C2CD3: variants seen among roughly 807,000 people sequenced by gnomAD.
C2CD3 encodes C2 domain-containing protein 3.
In C2CD3, 148 loss-of-function variants were observed where a neutral mutation model predicts 234.0. The observed-to-expected ratio is 0.63, with a 90% CI of 0.55 to 0.72. The LOEUF (loss-of-function observed/expected upper bound fraction) is 0.72, where lower values mean the gene tolerates loss of function less well. Ranked by LOEUF, C2CD3 falls within the 30% of genes least tolerant of loss-of-function variation. C2CD3 has a pLI of 0.00. For synonymous variants in C2CD3, 1,000 were observed against 1,035.4 expected, an observed-to-expected ratio of 0.97 and a Z score of 0.66; for missense variants, 2,577 against 2,811.5, an observed-to-expected ratio of 0.92 and a Z score of 1.89.
At chr11:74,111,411 A>G (rs927053596) in intron 11 of C2CD3, among the ~76,000 whole-genome samples, 2 of 152,144 alleles carry the variant, frequency 1.3e-5, no homozygotes, top group Admixed American at 1.3e-4. Flanking sequence ...TGCAGTGAAA[A>G]CTTTATTTCA....
intron 11 of C2CD3, among the ~76,000 whole-genome samples, chr11:74,112,016 A>G (rs1042556894): frequency 6.6e-6 from 1 of 151,988 alleles, no homozygotes; most frequent in Non-Finnish European, 1.5e-5. Context: ...TAATGGCTTA[A>G]GGAAGGATAT....
At chr11:74,052,882 TG>T (rs1450046416) in intron 26 of C2CD3, among the ~76,000 whole-genome samples, 1 of 152,180 alleles carries the variant, frequency 6.6e-6, no homozygotes. Context: ...ATATCACCAC[TG>T]GCAAACAAAA....
chr11:74,055,903 C>G (rs894342303), intron 25 of C2CD3, among the ~76,000 whole-genome samples: 1 of 152,188 alleles, frequency 6.6e-6, no homozygotes, highest in Non-Finnish European at 1.5e-5. Flanking sequence ...CCCTTCATCA[C>G]GTTTGTGAAG....
intron 7 of C2CD3, chr11:74,129,541 A>G: frequency 5.3e-6 from 1 of 188,374 alleles, no homozygotes; most frequent in South Asian, 7.9e-5. Flanking sequence ...GGCGCTCCTC[A>G]CTTCCTAGAT....
At chr11:74,148,457 GTA>G (rs1855368845) in intron 3 of C2CD3, among the ~76,000 whole-genome samples, 1 of 151,448 alleles carries the variant, frequency 6.6e-6, no homozygotes. Flanking sequence ...ATATATGTGT[GTA>G]TATTTATATA....
intron 30 of C2CD3, among the ~76,000 whole-genome samples, chr11:74,035,122 T>C (rs576953325): frequency 6.6e-6 from 1 of 152,200 alleles, no homozygotes; most frequent in Non-Finnish European, 1.5e-5. Flanking sequence ...TCCTGGGGAA[T>C]AGGGGTCACA....
Position 74,139,607 on chromosome 11 carries a change from C to A in C2CD3, c.705G>T (p.Pro235=). The A allele has an allele frequency of 1.2e-6, 2 of 1,604,558 alleles. No homozygotes were observed. Among genetic ancestry groups the A allele is most frequent in the Non-Finnish European group, 1.7e-6 (2 of 1,171,422 alleles). ...CTGGTATTAGGTATGGTAATTACCT[C>A]GGAGTGGTTGATCTACTGCTGTTGG... is the stretch of plus-strand genomic sequence containing the variant. ...LAANSSRSTT[P]RGKDHVCFAE... is the part of the protein sequence containing the mutation. Residue 235 remains proline (P), a splice_region_variant and synonymous_variant, in exon 4 of 33, where the codon CCG becomes CCT. Transcript: ENST00000334126.
At chr11:74,095,437 GC>G in intron 16 of C2CD3, 29 bp from the exon 17 acceptor site, 1 of 1,556,908 alleles carries the variant, frequency 6.4e-7, no homozygotes, top group Non-Finnish European at 8.8e-7. Flanking sequence ...ACACTGGTGA[GC>G]TTTAAAGAGT....
Position 74,165,031 on chromosome 11 carries a change from G to A in C2CD3, c.325+3313C>T, listed in dbSNP as rs545136179. The stretch of plus-strand genomic sequence containing the variant: ...GGCTACAGTGAACTGTGTTTGCATC[G>A]CTGCACTCCAGCCCGGCTGTCTGAG... On this transcript the variant is annotated intron_variant, in intron 2 of 32. Transcript: ENST00000334126. 5.3e-5 allele frequency among the ~76,000 whole-genome samples: 8 copies of A among 152,194 alleles called. No individual in the cohort carries two copies. The East Asian group carries it at 1.5e-3, about 29-fold the overall frequency.
Position 74,132,844 on chromosome 11 carries a change from C to G in C2CD3, c.1217G>C (p.Ser406Thr). ...AAGAAAGCCAGTTAATAGTGCTTAC[C>G]TGCCTAATAGCAGCTGTATAGCTCT... The part of the protein sequence containing the change: ...DTRAIQLLLG[S>T]AELSQGNFWD... The change falls in exon 7 of 33, where the codon AGT (serine) becomes ACT (threonine). Residue 406 changes from serine (S) to threonine (T), a missense_variant and splice_region_variant. Physicochemically the swap from Ser to Thr is moderately conservative, Grantham distance 58 (BLOSUM62 1). Coordinates refer to ENST00000334126, the MANE Select transcript of C2CD3 (RefSeq NM_001286577.2). The G allele has an allele frequency of 6.2e-7, 1 of 1,613,068 alleles. No individual in the cohort carries two copies. The highest frequency in any genetic ancestry group is 1.7e-4 in the Middle Eastern group (1 of 6,050).
At chr11:74,085,407 A>T in intron 21 of C2CD3, 3 of 567,752 alleles carry the variant, frequency 5.3e-6, no homozygotes, top group East Asian at 2.8e-5. Context: ...ACCCATTAAC[A>T]CTGACACATT....
chr11:74,058,827 C>T (rs1235331921), intron 24 of C2CD3, among the ~76,000 whole-genome samples: 1 of 151,830 alleles, frequency 6.6e-6, no homozygotes, highest in African/African-American at 2.4e-5. Context: ...TGGCCATTCA[C>T]CTTTAAATTA....
chr11:74,145,872 G>C lies in C2CD3; in HGVS notation c.484-6044C>G, dbSNP rs185582220. On this transcript the variant is annotated intron_variant, in intron 3 of 32. Coordinates refer to ENST00000334126, the MANE Select transcript of C2CD3 (RefSeq NM_001286577.2). The stretch of plus-strand genomic sequence containing the variant: ...CTCTTTGTTCTTTGAACATACTGAA[G>C]ACCACCACCTACCTATATGTCCTGA... Among the ~76,000 whole-genome samples the C allele has an allele frequency of 3.9e-3, 588 of 152,198 alleles. 3 individuals carry two copies. The highest frequency in any genetic ancestry group is 0.034 in the Middle Eastern group (10 of 294).
intron 32 of C2CD3, among the ~76,000 whole-genome samples, chr11:74,014,960 G>A (rs1042580062): frequency 6.6e-6 from 1 of 152,260 alleles, no homozygotes; most frequent in Admixed American, 6.5e-5. Flanking sequence ...GGGCTGCACA[G>A]CAGAGACTAG....
rs1025706139 is a variant in C2CD3, at chr11:74,022,136, A to G, written c.6921+6151T>C. On this transcript the variant is annotated intron_variant, in intron 32 of 32. Coordinates refer to ENST00000334126, the MANE Select transcript of C2CD3 (RefSeq NM_001286577.2). ...GAGATTCCGTCTCGGGGAAAAAAAA[A>G]AGAAATAGTGGGGAGATGATTGGGC... Among the ~76,000 whole-genome samples the G allele has an allele frequency of 5.2e-4, 79 of 152,212 alleles. 1 individual carries two copies. The highest frequency in any genetic ancestry group is 4.1e-3 in the Admixed American group (63 of 15,294).
At chr11:74,141,039 C>T (rs575336578) in intron 3 of C2CD3, among the ~76,000 whole-genome samples, 2 of 152,222 alleles carry the variant, frequency 1.3e-5, no homozygotes, top group African/African-American at 2.4e-5. Context: ...AGAATAGTAG[C>T]GCTGAAAGTT....
At chr11:74,137,082 G>A (rs932951083) in intron 5 of C2CD3, among the ~76,000 whole-genome samples, 3 of 146,488 alleles carry the variant, frequency 2.0e-5, no homozygotes, top group Non-Finnish European at 4.5e-5. Context: ...GGCTGGACTC[G>A]AACTCCTAGG....
At chr11:74,157,832 C>T (rs1487591971) in intron 3 of C2CD3, among the ~76,000 whole-genome samples, 1 of 152,158 alleles carries the variant, frequency 6.6e-6, no homozygotes, top group Non-Finnish European at 1.5e-5. Context: ...TCATGCATAT[C>T]TATCACACAG....
chr11:74,064,293 C>T (rs184868818), intron 24 of C2CD3, among the ~76,000 whole-genome samples: 39 of 152,226 alleles, frequency 2.6e-4, no homozygotes, highest in Admixed American at 6.5e-4. Context: ...AAACAGAGAG[C>T]CAAGTCATGA....
Sources: gnomAD v4.1 joint callset for allele counts (sites outside exome capture counted in the v4.1 genomes callset) on GRCh38, gnomAD v4.1.1 for gene constraint, MANE v1.5 for transcripts, NCBI Gene and HGNC (gene_info 2026-07-23, HGNC 2026-07-21) for gene names.